ATF1: variants seen among roughly 807,000 people sequenced by gnomAD.
ATF1 encodes activating transcription factor 1.
A neutral mutation model predicts 34.7 loss-of-function variants in ATF1; 16 were observed. The ratio of observed to expected loss-of-function variants is 0.46; its 90% confidence interval spans 0.31 to 0.70. ATF1 has a LOEUF of 0.70. Among genes scored for constraint, ATF1 ranks in the 30% least tolerant of loss-of-function variants. The pLI is 0.05. For synonymous variants in ATF1, 105 were observed against 113.1 expected, an observed-to-expected ratio of 0.93 and a Z score of 0.46; for missense variants, 255 against 321.6, an observed-to-expected ratio of 0.79 and a Z score of 1.58.
intron 2 of ATF1, among the ~76,000 whole-genome samples, chr12:50,783,268 C>T (rs888636896): frequency 6.6e-6 from 1 of 152,022 alleles, no homozygotes; most frequent in Non-Finnish European, 1.5e-5. Context: ...GTTTGAAAAC[C>T]AGTGACCCAA....
chr12:50,796,820 A>G (rs903196837), intron 3 of ATF1, among the ~76,000 whole-genome samples: 2 of 152,230 alleles, frequency 1.3e-5, no homozygotes, highest in Non-Finnish European at 2.9e-5. Context: ...AAGAGAACAT[A>G]GGCGATAAGC....
At chr12:50,803,090 G>A (rs996722350) in intron 3 of ATF1, among the ~76,000 whole-genome samples, 23 of 150,530 alleles carry the variant, frequency 1.5e-4, no homozygotes, top group Admixed American at 8.0e-4. Flanking sequence ...GTGAAACCCC[G>A]TCTCTACTAA....
At position 50,778,824 on chromosome 12, in the gene ATF1, G is replaced by A. The variant is rs151110573; in HGVS notation, c.-6-1316G>A. Among the ~76,000 whole-genome samples the A allele has an allele frequency of 1.2e-3, 179 of 152,210 alleles. 3 individuals are homozygous for A. In the East Asian group the frequency reaches 0.03, roughly 26 times the overall value. ...TTGAGCTCTTCAGCTCAGGCAGTCC[G>A]CCCATATTGGCCTTCCAAAGTGCTA... On this transcript the variant is annotated intron_variant, in intron 1 of 6. Coordinates refer to ENST00000262053, the MANE Select transcript of ATF1 (RefSeq NM_005171.5).
At chr12:50,809,738 G>A (rs1056379858) in intron 4 of ATF1, 149 bp downstream of exon 4, 1 of 895,788 alleles carries the variant, frequency 1.1e-6, no homozygotes, top group African/African-American at 1.7e-5. Flanking sequence ...TACTGTTTCA[G>A]CATTATTTAC....
intron 3 of ATF1, among the ~76,000 whole-genome samples, chr12:50,800,162 C>CA (rs1389214557): frequency 1.3e-5 from 2 of 152,144 alleles, no homozygotes; most frequent in Non-Finnish European, 2.9e-5. Flanking sequence ...ACAGAGTGCT[C>CA]ATCAGAAACT....
At chr12:50,780,438 G>C (rs1592173471) in intron 2 of ATF1, among the ~76,000 whole-genome samples, 200 bp downstream of exon 2, 1 of 151,604 alleles carries the variant, frequency 6.6e-6, no homozygotes, top group East Asian at 1.9e-4. Flanking sequence ...TCCACCTCCT[G>C]GGTTCAAACA....
Position 50,777,721 on chromosome 12 carries a change from CA to C in ATF1, c.-6-2418del, listed in dbSNP as rs923709918. On this transcript the variant is annotated intron_variant, in intron 1 of 6. Coordinates refer to ENST00000262053, the MANE Select transcript of ATF1 (RefSeq NM_005171.5). ...GGTTGAGCCTGCGAGGTCAAGGCTG[CA>C]GTGAGCCGAGGTTGCACCACTACAC... 4.0e-4 allele frequency among the ~76,000 whole-genome samples: 60 copies of C among 150,262 alleles called. 1 individual carries two copies. The Middle Eastern group carries it at 0.027, about 68-fold the overall frequency.
At chr12:50,810,628 A>G (rs1159935002) in intron 4 of ATF1, among the ~76,000 whole-genome samples, 3 of 152,166 alleles carry the variant, frequency 2.0e-5, no homozygotes, top group African/African-American at 7.2e-5. Flanking sequence ...ATAGTATAAC[A>G]CCGCCAATCA....
At chr12:50,791,721 G>A (rs532782525) in intron 2 of ATF1, among the ~76,000 whole-genome samples, 1 of 152,264 alleles carries the variant, frequency 6.6e-6, no homozygotes, top group African/African-American at 2.4e-5. Context: ...TAGTCCAGAG[G>A]AAGGCATGAG....
intron 2 of ATF1, among the ~76,000 whole-genome samples, chr12:50,785,280 TACATACACACAC>T (rs772752047): frequency 1.2e-3 from 101 of 86,202 alleles, no homozygotes; most frequent in African/African-American, 3.4e-3. Context: ...ATTATATATA[TACATACACACAC>T]ACACACACAC....
intron 6 of ATF1, 51 bp downstream of exon 6, chr12:50,814,490 A>C (rs1301106471): frequency 1.7e-5 from 27 of 1,557,206 alleles, no homozygotes; most frequent in Non-Finnish European, 2.3e-5. Flanking sequence ...TACAAATCTC[A>C]CAACATAACC....
At chr12:50,767,038 A>G (rs1940653788) in intron 1 of ATF1, among the ~76,000 whole-genome samples, 1 of 152,150 alleles carries the variant, frequency 6.6e-6, no homozygotes, top group African/African-American at 2.4e-5. Flanking sequence ...CAGAATGGAA[A>G]AAACATAATT....
rs1489296154 is a variant in ATF1 at position 50,789,093 on chromosome 12, T to C, written c.94-6816T>C. Among the ~76,000 whole-genome samples the C allele has an allele frequency of 4.6e-5, 7 of 152,174 alleles. No individual in the cohort carries two copies. In the East Asian group the frequency reaches 1.4e-3, roughly 29 times the overall value. On this transcript the variant is annotated intron_variant, in intron 2 of 6. Transcript: ENST00000262053. The stretch of plus-strand genomic sequence containing the variant: ...GAGGTTTTTTTTGTTGTTTTTTTTT[T>C]TCGGAGACAGAGTCTTGCTCTGTTG...
intron 4 of ATF1, among the ~76,000 whole-genome samples, chr12:50,813,682 C>T (rs995635511): frequency 2.6e-5 from 4 of 152,054 alleles, no homozygotes; most frequent in East Asian, 1.9e-4. Flanking sequence ...GGCATGGTGG[C>T]GCACACCTGT....
At chr12:50,805,205 A>G (rs1941590817) in intron 3 of ATF1, among the ~76,000 whole-genome samples, 1 of 152,076 alleles carries the variant, frequency 6.6e-6, no homozygotes, top group Non-Finnish European at 1.5e-5. Context: ...CAAATTTAAA[A>G]GAACTGAAAT....
intron 2 of ATF1, among the ~76,000 whole-genome samples, chr12:50,791,857 C>T (rs529804373): frequency 2.0e-4 from 30 of 152,088 alleles, no homozygotes; most frequent in Non-Finnish European, 4.1e-4. Flanking sequence ...CATGAAACCG[C>T]ATCTGATTTC....
chr12:50,797,681 G>C (rs1941435567), intron 3 of ATF1, among the ~76,000 whole-genome samples: 1 of 151,948 alleles, frequency 6.6e-6, no homozygotes, highest in South Asian at 2.1e-4. Context: ...ATGTTGACCA[G>C]GCTGGTGTCA....
At chr12:50,805,117 A>G (rs1231237282) in intron 3 of ATF1, among the ~76,000 whole-genome samples, 1 of 151,838 alleles carries the variant, frequency 6.6e-6, no homozygotes, top group African/African-American at 2.4e-5. Flanking sequence ...TGACATTTTT[A>G]TAACACTTGA....
At chr12:50,772,469 G>A (rs1389556915) in intron 1 of ATF1, among the ~76,000 whole-genome samples, 2 of 151,904 alleles carry the variant, frequency 1.3e-5, no homozygotes, top group Non-Finnish European at 2.9e-5. Flanking sequence ...TGGGATTATA[G>A]GCATGTGCCA....
Sources: gnomAD v4.1 joint callset for allele counts (sites outside exome capture counted in the v4.1 genomes callset) on GRCh38, gnomAD v4.1.1 for gene constraint, MANE v1.5 for transcripts, NCBI Gene and HGNC (gene_info 2026-07-23, HGNC 2026-07-21) for gene names.